The following NIBAN3 variants were observed in gnomAD, a reference collection of about 807,000 sequenced individuals.
NIBAN3 encodes protein Niban 3.
In NIBAN3, 66 loss-of-function variants were observed where a neutral mutation model predicts 76.4. That is an observed-to-expected ratio of 0.86 (90% CI 0.71 to 1.06). The LOEUF (loss-of-function observed/expected upper bound fraction) is 1.06. NIBAN3 is among the 50% of genes least tolerant of loss of function. The pLI is 0.00. For missense variants in NIBAN3, 808 were observed against 810.7 expected (o/e 1.00, Z 0.04); for synonymous variants, 360 against 355.2 (o/e 1.01, Z -0.15).
chr19:17,533,630 C>T lies in NIBAN3; in HGVS notation c.356C>T (p.Thr119Ile), dbSNP rs914905381. ...CACTGCCTTGGCTCAACAGCCCTGA[C>T]AGGATACACGCTCCTGACTTCCCAG... ...GGHCLGSTAL[T>I]GYTLLTSQRE... The change falls in exon 4 of 15, where the codon ACA becomes ATA. Residue 119 changes from threonine to isoleucine, a missense_variant. By Grantham distance (89) the Thr-to-Ile change is moderately conservative. Transcript: ENST00000599164. The T allele has an allele frequency of 2.5e-6, 4 of 1,614,050 alleles. No individual in the cohort carries two copies. Among genetic ancestry groups the T allele is most frequent in the African/African-American group, 2.7e-5 (2 of 74,918 alleles).
chr19:17,534,411 G>A (rs1232956380), intron 4 of NIBAN3, among the ~76,000 whole-genome samples: 1 of 152,156 alleles, frequency 6.6e-6, no homozygotes, highest in Admixed American at 6.5e-5. Flanking sequence ...CACTTTGGGG[G>A]ACCAAGGCAG....
In NIBAN3 at chr19:17,553,575, C is replaced by T; in HGVS notation, c.*1677C>T. 1.2e-6 allele frequency: 2 copies of T among 1,608,778 alleles called. No individual in the cohort carries two copies. Among genetic ancestry groups the T allele is most frequent in the Non-Finnish European group, 1.7e-6 (2 of 1,175,220 alleles). On this transcript the variant is annotated 3_prime_UTR_variant, in exon 15 of 15. Coordinates refer to ENST00000599164, the MANE Select transcript of NIBAN3 (RefSeq NM_001321827.2). ...CCCCAAGACAATGAGATATTCCTGA[C>T]CTTTCCACCTATTTCCCTCCAACCC...
intron 2 of NIBAN3, 77 bp from the exon 3 acceptor site, chr19:17,532,186 A>G (rs376972041): frequency 2.0e-6 from 3 of 1,519,624 alleles, no homozygotes; most frequent in Admixed American, 2.0e-5. Flanking sequence ...CCCAGGATAC[A>G]GCGGGTGTCT....
Position 17,553,213 on chromosome 19 carries a change from ACT to A in NIBAN3, c.*1318_*1319del, listed in dbSNP as rs1440804410. On this transcript the variant is annotated 3_prime_UTR_variant, in exon 15 of 15. Transcript: ENST00000599164. ...GCATTTTTCTTATTGATATCTAATA[ACT>A]CTTTATATCTGAAGGATATGAACGC... The A allele has an allele frequency of 6.6e-7, 1 of 1,511,220 alleles. No individual in the cohort carries two copies. Among genetic ancestry groups the A allele is most frequent in the Non-Finnish European group, 8.8e-7 (1 of 1,131,100 alleles). 93.6% of individuals were successfully genotyped at this position (1,511,220 alleles called of 1,614,324 possible). A position where few individuals can be genotyped will look rare whatever the true frequency, so the allele number is the denominator to read the frequency against.
chr19:17,526,456 A>C (rs994151511), upstream of NIBAN3, among the ~76,000 whole-genome samples: 9 of 152,024 alleles, frequency 5.9e-5, no homozygotes, highest in African/African-American at 4.8e-5. Flanking sequence ...CAGCCTGGGC[A>C]ACATAGGAAG....
chr19:17,547,347 TG>T (rs1205824948), intron 13 of NIBAN3, among the ~76,000 whole-genome samples: 31 of 75,398 alleles, frequency 4.1e-4, no homozygotes, highest in African/African-American at 1.2e-3. Context: ...AACGAGACTA[TG>T]TCTTTTTTTT....
rs1229219361 is a variant in NIBAN3 at position 17,542,468 on chromosome 19, G to A, written c.1329+174G>A. The stretch of plus-strand genomic sequence containing the variant: ...GCAGCCACATGTGGTGGACAGAGCT[G>A]GGGCAGGGTGTACAGGGAGCGCCAA... On this transcript the variant is annotated intron_variant, in intron 10 of 14. Transcript: ENST00000599164. The surrounding 1 kb of genome is among the most constrained non-coding windows in gnomAD (Gnocchi z 4.8). Among the ~76,000 whole-genome samples the A allele has an allele frequency of 6.6e-6, 1 of 152,206 alleles. No individual in the cohort carries two copies. The highest frequency in any genetic ancestry group is 1.5e-5 in the Non-Finnish European group (1 of 68,038).
chr19:17,546,502 A>G, intron 12 of NIBAN3, 184 bp from the exon 13 acceptor site: 1 of 1,120,496 alleles, frequency 8.9e-7, no homozygotes. Flanking sequence ...GGCATGAGCC[A>G]CCGCACCCGG....
chr19:17,544,215 G>A (rs1461484586), intron 12 of NIBAN3, among the ~76,000 whole-genome samples: 1 of 151,842 alleles, frequency 6.6e-6, no homozygotes, highest in Admixed American at 6.6e-5. Context: ...AGGATCAATT[G>A]AGCCTAGGAA....
chr19:17,539,906 T>G (rs879384143), intron 8 of NIBAN3, 141 bp downstream of exon 8: 7 of 217,298 alleles, frequency 3.2e-5, no homozygotes, highest in South Asian at 5.9e-5. Context: ...GCATAGGATG[T>G]GCAAGGGAAC....
In NIBAN3 at chr19:17,544,704, G is replaced by A. The variant is rs575405501; in HGVS notation, c.1554+1073G>A. On this transcript the variant is annotated intron_variant, in intron 12 of 14. Transcript: ENST00000599164. Reference sequence around the variant, plus strand: ...TGGAAGAGTGGGAAGGAGGTCAGCGGGAGTCCTAGGTACCTAGGCACACAG... The same window carrying A: ...TGGAAGAGTGGGAAGGAGGTCAGCGAGAGTCCTAGGTACCTAGGCACACAG... Among the ~76,000 whole-genome samples the A allele has an allele frequency of 3.9e-5, 6 of 152,290 alleles. No homozygotes were observed. In the East Asian group the frequency reaches 7.7e-4, roughly 20 times the overall value.
chr19:17,529,527 A>G (rs1404170766), intron 1 of NIBAN3, among the ~76,000 whole-genome samples: 2 of 152,224 alleles, frequency 1.3e-5, no homozygotes, highest in Non-Finnish European at 2.9e-5. Context: ...GCAACAGCTC[A>G]AAGAGCTAGT....
At chr19:17,540,093 A>T in intron 8 of NIBAN3, 2 of 272,130 alleles carry the variant, frequency 7.3e-6, no homozygotes, top group South Asian at 8.0e-5. Context: ...AGGCTCGAGG[A>T]GTTGAGGCCC....
Position 17,542,381 on chromosome 19 carries a change from G to A in NIBAN3, c.1329+87G>A, listed in dbSNP as rs1049276761. 4.3e-6 allele frequency: 6 copies of A among 1,403,948 alleles called. No homozygotes were observed. In the African/African-American group the frequency reaches 4.3e-5, roughly 10 times the overall value. 87.0% of individuals were successfully genotyped at this position (1,403,948 alleles called of 1,614,324 possible). On this transcript the variant is annotated intron_variant, in intron 10 of 14. Coordinates refer to ENST00000599164, the MANE Select transcript of NIBAN3 (RefSeq NM_001321827.2). This position sits in a 1 kb window ranked among gnomAD's most constrained non-coding sequence, Gnocchi z 4.8. ...GCTAAGTGTGCCCTGGAGAGACCAC[G>A]ATGATCGAGACAACTCCGCGGGGCT...
chr19:17,553,012 C>A lies in NIBAN3; in HGVS notation c.*1114C>A. The A allele has an allele frequency of 5.7e-6, 1 of 173,940 alleles. No individual in the cohort carries two copies. The highest frequency in any genetic ancestry group is 1.2e-5 in the Non-Finnish European group (1 of 82,680). 10.8% of individuals were successfully genotyped at this position (173,940 alleles called of 1,614,324 possible). A position where few individuals can be genotyped will look rare whatever the true frequency, so the allele number is the denominator to read the frequency against. On this transcript the variant is annotated 3_prime_UTR_variant, in exon 15 of 15. Transcript: ENST00000599164. ...TTTACCTGAGCCTGGGAACTCAAGG[C>A]TGCAGTGAGTGGTGATTGCACCACT...
chr19:17,548,585 T>C (rs1245457971), intron 13 of NIBAN3, among the ~76,000 whole-genome samples: 1 of 151,678 alleles, frequency 6.6e-6, no homozygotes, highest in Non-Finnish European at 1.5e-5. Flanking sequence ...CAGAGGGGAA[T>C]CTCAAAGAGC....
At chr19:17,546,636 C>T (rs1180360932) in intron 12 of NIBAN3, 50 bp from the exon 13 acceptor site, 2 of 1,475,526 alleles carry the variant, frequency 1.4e-6, no homozygotes, top group East Asian at 5.1e-5. Flanking sequence ...TTGTAGGCCT[C>T]TAGAGGGGCC....
At chr19:17,553,686 T>C, downstream of NIBAN3, 1 of 812,572 alleles carries the variant, frequency 1.2e-6, no homozygotes, top group East Asian at 2.4e-5. Flanking sequence ...GGGATGTAGA[T>C]GTTAATTCTG....
At chr19:17,525,901 G>C (rs2144656423), upstream of NIBAN3, among the ~76,000 whole-genome samples, 1 of 151,942 alleles carries the variant, frequency 6.6e-6, no homozygotes, top group African/African-American at 2.4e-5. Flanking sequence ...GGAGTTTGAG[G>C]CCAGCCTGGC....
Sources: allele counts gnomAD v4.1 joint callset (sites outside exome capture counted in the v4.1 genomes callset), GRCh38; gene constraint gnomAD v4.1.1; non-coding constraint Gnocchi (gnomAD v3.1); transcripts MANE v1.5; gene names NCBI Gene and HGNC (gene_info 2026-07-23, HGNC 2026-07-21).